ZNF106: variants seen among roughly 807,000 people sequenced by gnomAD.
ZNF106 encodes SH3-domain binding protein 3.
Under a neutral mutation model 195.1 loss-of-function variants are expected in ZNF106, and 67 were observed. The ratio of observed to expected loss-of-function variants is 0.34; its 90% CI spans 0.28 to 0.42. ZNF106 has a LOEUF of 0.42. Ranked by LOEUF, ZNF106 falls within the 10% of genes least tolerant of loss-of-function variation. The pLI is 1.00. For missense variants in ZNF106, 2,118 were observed against 2,304.5 expected (o/e 0.92, Z 1.66); for synonymous variants, 784 against 818.6 (o/e 0.96, Z 0.72).
At chr15:42,442,785 A>C (rs1177082659) in intron 9 of ZNF106, among the ~76,000 whole-genome samples, 9 of 149,804 alleles carry the variant, frequency 6.0e-5, no homozygotes, top group African/African-American at 2.2e-4. Flanking sequence ...CCCAGCTATT[A>C]TTGTTATTAT....
intron 4 of ZNF106, among the ~76,000 whole-genome samples, chr15:42,453,591 C>T (rs2056120679): frequency 1.3e-5 from 2 of 151,430 alleles, no homozygotes; most frequent in South Asian, 4.2e-4. Flanking sequence ...AATCCTGAGG[C>T]AAGTATTTTT....
chr15:42,426,679 T>C (rs1453080055), intron 15 of ZNF106, among the ~76,000 whole-genome samples: 1 of 151,652 alleles, frequency 6.6e-6, no homozygotes, highest in Non-Finnish European at 1.5e-5. Flanking sequence ...GCTGGGATTA[T>C]AGGCATGAGC....
chr15:42,453,272 A>T (rs993404985), intron 4 of ZNF106, among the ~76,000 whole-genome samples: 5 of 152,186 alleles, frequency 3.3e-5, no homozygotes. Flanking sequence ...ATACCAAACA[A>T]GTAGTAACCA....
rs2054524974 is a variant in ZNF106 at position 42,418,217 on chromosome 15, A to AG, written c.5518-267dup. On this transcript the variant is annotated intron_variant, in intron 20 of 21. Coordinates refer to ENST00000564754, the MANE Select transcript of ZNF106 (RefSeq NM_001366845.3). ...AATTACAACTTCTTAAATCAGGAAAAGGCCAGCAAATGTTTATGGGTAAAT... is the reference window on the plus strand; with the variant it reads ...AATTACAACTTCTTAAATCAGGAAAAGGGCCAGCAAATGTTTATGGGTAAAT... Among the ~76,000 whole-genome samples, 5 of 152,370 alleles carry AG rather than the reference A, an allele frequency of 3.3e-5. No homozygotes were observed. The South Asian group carries it at 1.0e-3, about 32-fold the overall frequency.
Position 42,437,285 on chromosome 15 carries a change from T to A in ZNF106, c.4693A>T (p.Asn1565Tyr). 1 of 1,614,146 alleles carries A rather than the reference T, an allele frequency of 6.2e-7. No individual in the cohort carries two copies. The highest frequency in any genetic ancestry group is 2.2e-5 in the East Asian group (1 of 44,862). ...TCTGCTGAACAGGTATATAGCAAGT[T>A]CCCAAATATCTGAATTGCATTTACG... ...AAVNAIQIFG[N>Y]LLYTCSADKT... Residue 1565 changes from asparagine to tyrosine, a missense_variant, in exon 13 of 22, where the codon AAC (asparagine) becomes TAC (tyrosine). Asn to Tyr is a moderately radical substitution (Grantham distance 143). Coordinates refer to ENST00000564754, the MANE Select transcript of ZNF106 (RefSeq NM_001366845.3).
At position 42,413,126 on chromosome 15, in the gene ZNF106, G is replaced by C. The variant is rs958814378; in HGVS notation, c.*4178C>G. 1 of 152,142 alleles carries C rather than the reference G, an allele frequency of 6.6e-6. No individual in the cohort carries two copies. The highest frequency in any genetic ancestry group is 6.5e-5 in the Admixed American group (1 of 15,274). 9.4% of individuals were successfully genotyped at this position (152,142 alleles called of 1,614,324 possible). ...TATTTGGGTCACTACCTTGAATTTA[G>C]AGTGAATCTGGGAAATGTAGTCACC... is the stretch of plus-strand genomic sequence containing the variant. On this transcript the variant is annotated 3_prime_UTR_variant, in exon 22 of 22. Transcript: ENST00000564754.
chr15:42,448,620 C>T lies in ZNF106; in HGVS notation c.2587G>A (p.Gly863Arg). 6.2e-7 allele frequency: 1 copy of T among 1,613,902 alleles called. No individual in the cohort carries two copies. Among genetic ancestry groups the T allele is most frequent in the African/African-American group, 1.3e-5 (1 of 75,064 alleles). Residue 863 changes from glycine to arginine, a missense_variant, in exon 6 of 22, where the codon GGA (glycine) becomes AGA (arginine). By Grantham distance (125) the Gly-to-Arg change is moderately radical. Coordinates refer to ENST00000564754, the MANE Select transcript of ZNF106 (RefSeq NM_001366845.3). ...ATGGAAACACCTTCCCACTGGAATC[C>T]TTCTAGACTGGACAGATCAGGTTCC... is the stretch of plus-strand genomic sequence containing the variant. ...DGEPDLSSLE[G>R]FQWEGVSISS...
At chr15:42,475,810 C>T (rs969896143) in intron 1 of ZNF106, among the ~76,000 whole-genome samples, 5 of 152,052 alleles carry the variant, frequency 3.3e-5, no homozygotes, top group African/African-American at 9.7e-5. Flanking sequence ...ATTGTGCTTC[C>T]AATTATTAAC....
chr15:42,435,737 A>G (rs1360628961), intron 13 of ZNF106, among the ~76,000 whole-genome samples: 3 of 152,202 alleles, frequency 2.0e-5, no homozygotes, highest in South Asian at 4.1e-4. Context: ...ATGTTAGTTG[A>G]GCCATACCAG....
At chr15:42,472,044 T>C (rs1316315393) in intron 2 of ZNF106, among the ~76,000 whole-genome samples, 192 bp downstream of exon 2, 1 of 152,162 alleles carries the variant, frequency 6.6e-6, no homozygotes, top group Non-Finnish European at 1.5e-5. Flanking sequence ...GTACTGGCTT[T>C]AGGAGGCAGT....
chr15:42,462,744 T>A (rs1327937230), intron 3 of ZNF106, among the ~76,000 whole-genome samples: 3 of 152,194 alleles, frequency 2.0e-5, no homozygotes, highest in East Asian at 1.9e-4. Flanking sequence ...TTTAAACAAC[T>A]TTTTATGATT....
chr15:42,446,761 T>A, intron 6 of ZNF106, 103 bp from the exon 7 acceptor site: 2 of 983,748 alleles, frequency 2.0e-6, no homozygotes, highest in Non-Finnish European at 3.0e-6. Context: ...TGTTCTTCAC[T>A]ATTGCTACCA....
At chr15:42,429,480 C>T (rs997548172) in intron 14 of ZNF106, among the ~76,000 whole-genome samples, 1 of 151,462 alleles carries the variant, frequency 6.6e-6, no homozygotes, top group Non-Finnish European at 1.5e-5. Flanking sequence ...ATACTGAAGA[C>T]CCAGGTGTAG....
At chr15:42,458,429 C>A (rs1031740875) in intron 3 of ZNF106, among the ~76,000 whole-genome samples, 2 of 151,104 alleles carry the variant, frequency 1.3e-5, no homozygotes, top group Non-Finnish European at 2.9e-5. Context: ...AAAAAAAGGC[C>A]GGGCTTGGTG....
intron 14 of ZNF106, among the ~76,000 whole-genome samples, chr15:42,434,547 T>A (rs897091846): frequency 6.6e-6 from 1 of 152,178 alleles, no homozygotes; most frequent in Non-Finnish European, 1.5e-5. Context: ...TCCCCCTTCT[T>A]TATGTTCCTG....
intron 1 of ZNF106, among the ~76,000 whole-genome samples, chr15:42,484,721 G>A (rs1461551558): frequency 6.8e-6 from 1 of 146,026 alleles, no homozygotes; most frequent in African/African-American, 2.7e-5. Flanking sequence ...CTGGGTGACA[G>A]AGTGAGACTC....
Position 42,412,903 on chromosome 15 carries a change from T to C in ZNF106, c.*4401A>G, listed in dbSNP as rs2054316409. ...CAAAGTTACGAAGTTCACAGCTTTATACCAAAATGTAAGAAGGCTATTTGC... is the reference window on the plus strand; with the variant it reads ...CAAAGTTACGAAGTTCACAGCTTTACACCAAAATGTAAGAAGGCTATTTGC... On this transcript the variant is annotated 3_prime_UTR_variant, in exon 22 of 22. Coordinates refer to ENST00000564754, the MANE Select transcript of ZNF106 (RefSeq NM_001366845.3). 6.6e-6 allele frequency: 1 copy of C among 152,236 alleles called. No homozygotes were observed. Among genetic ancestry groups the C allele is most frequent in the African/African-American group, 2.4e-5 (1 of 41,464 alleles). The allele number at this position is 152,236 out of a possible 1,614,324, so 9.4% of individuals were successfully genotyped here.
chr15:42,490,815 CCG>C (rs2057144498), intron 1 of ZNF106, among the ~76,000 whole-genome samples, 163 bp downstream of exon 1: 1 of 152,214 alleles, frequency 6.6e-6, no homozygotes, highest in Admixed American at 6.5e-5. Flanking sequence ...GCCCATAAAC[CCG>C]CGCCGGCTCT....
Position 42,415,560 on chromosome 15 carries a change from GGTGAA to G in ZNF106, c.*1739_*1743del. The stretch of plus-strand genomic sequence containing the variant: ...CTTGAAGCCTATCCATAAACCCCCT[GGTGAA>G]GTCCCCCTGCCCGATAGCCTGAGGG... On this transcript the variant is annotated 3_prime_UTR_variant, in exon 22 of 22. Transcript: ENST00000564754. 1.6e-5 allele frequency: 7 copies of G among 447,928 alleles called. No individual in the cohort carries two copies. Among genetic ancestry groups the G allele is most frequent in the South Asian group, 1.1e-4 (7 of 63,258 alleles). 27.7% of individuals were successfully genotyped at this position (447,928 alleles called of 1,614,324 possible). A position where few individuals can be genotyped will look rare whatever the true frequency, so the allele number is the denominator to read the frequency against.
Sources: gnomAD v4.1 joint callset for allele counts (sites outside exome capture counted in the v4.1 genomes callset) on GRCh38, gnomAD v4.1.1 for gene constraint, MANE v1.5 for transcripts, NCBI Gene and HGNC (gene_info 2026-07-23, HGNC 2026-07-21) for gene names.